Variants in DPYD observed in about 807,000 individuals in gnomAD.
DPYD encodes dihydropyrimidine dehydrogenase [NADP(+)].
Under a neutral mutation model 116.2 loss-of-function variants are expected in DPYD, and 109 were observed. The ratio of observed to expected loss-of-function variants is 0.94; its 90% CI spans 0.80 to 1.10. The LOEUF is 1.10. Among genes scored for constraint, DPYD ranks in the 50% least tolerant of loss-of-function variants. The probability of loss-of-function intolerance (pLI) is 0.00; values close to 1 mark genes in which losing one functional copy is unlikely to be tolerated. For missense variants in DPYD, 1,302 were observed against 1,254.5 expected, an observed-to-expected ratio of 1.04 and a Z score of -0.57; for synonymous variants, 440 against 432.0, an observed-to-expected ratio of 1.02 and a Z score of -0.23.
intron 18 of DPYD, among the ~76,000 whole-genome samples, chr1:97,263,981 T>G (rs1175855555): frequency 6.6e-6 from 1 of 152,062 alleles, no homozygotes; most frequent in Non-Finnish European, 1.5e-5. Context: ...AAAATAGCCC[T>G]TGATATTATC....
At chr1:97,407,491 A>T (rs1285988518) in intron 14 of DPYD, among the ~76,000 whole-genome samples, 1 of 152,170 alleles carries the variant, frequency 6.6e-6, no homozygotes, top group Non-Finnish European at 1.5e-5. Flanking sequence ...CCTAGAGGAC[A>T]TGGGCTATGT....
intron 12 of DPYD, among the ~76,000 whole-genome samples, chr1:97,543,598 A>G (rs1650612384): frequency 6.6e-6 from 1 of 152,232 alleles, no homozygotes; most frequent in Non-Finnish European, 1.5e-5. Context: ...ACAAAATGTC[A>G]TAAGCCTTAG....
intron 4 of DPYD, among the ~76,000 whole-genome samples, chr1:97,722,466 G>A (rs368726507): frequency 8.6e-5 from 13 of 151,548 alleles, no homozygotes; most frequent in African/African-American, 2.7e-4. Flanking sequence ...AATGTAGGGT[G>A]TTAATAATAG....
At chr1:97,420,714 G>C (rs1475731852) in intron 14 of DPYD, among the ~76,000 whole-genome samples, 1 of 152,078 alleles carries the variant, frequency 6.6e-6, no homozygotes, top group Non-Finnish European at 1.5e-5. Context: ...AGAGCCATTT[G>C]TAGTTCCCGG....
intron 15 of DPYD, among the ~76,000 whole-genome samples, chr1:97,374,721 A>G (rs1459502464): frequency 0.02 from 365 of 17,882 alleles, 1 homozygote; most frequent in Non-Finnish European, 0.093. Context: ...CGTCTCAGAA[A>G]AAAAAAAAAA....
At chr1:97,687,713 C>T (rs1240399736) in intron 7 of DPYD, among the ~76,000 whole-genome samples, 1 of 152,060 alleles carries the variant, frequency 6.6e-6, no homozygotes, top group African/African-American at 2.4e-5. Flanking sequence ...ATAGCAAAGA[C>T]ATGGAATCAA....
At chr1:97,252,457 C>T (rs983423213) in intron 18 of DPYD, among the ~76,000 whole-genome samples, 15 of 152,128 alleles carry the variant, frequency 9.9e-5, no homozygotes, top group African/African-American at 2.9e-4. Flanking sequence ...TGTTTTTTTC[C>T]AATTTATATT....
intron 16 of DPYD, among the ~76,000 whole-genome samples, chr1:97,314,490 CTTTTTTTT>C (rs66629750): frequency 1.4e-4 from 17 of 123,376 alleles, no homozygotes; most frequent in African/African-American, 2.7e-4. Context: ...CTAAAGCTTT[CTTTTTTTT>C]TTTTTTTTTT....
rs550655276 is a variant in DPYD at position 97,790,858 on chromosome 1, T to A, written c.233+37256A>T. Among the ~76,000 whole-genome samples, 66 of 152,330 alleles carry A rather than the reference T, an allele frequency of 4.3e-4. 1 individual carries two copies. The highest frequency in any genetic ancestry group is 1.3e-3 in the African/African-American group (54 of 41,590). On this transcript the variant is annotated intron_variant, in intron 3 of 22. Transcript: ENST00000370192. ...AATTTGTAAGCATGATTAAAGATTA[T>A]CTACAATTTTCACGTCCTTATTTGC...
intron 8 of DPYD, among the ~76,000 whole-genome samples, chr1:97,660,592 T>A (rs1193086553): frequency 1.3e-5 from 2 of 152,102 alleles, no homozygotes; most frequent in Non-Finnish European, 2.9e-5. Flanking sequence ...TTCTGTGTGT[T>A]CCTGGAGAGG....
At chr1:97,549,409 T>A in intron 12 of DPYD, 151 bp downstream of exon 12, 1 of 942,864 alleles carries the variant, frequency 1.1e-6, no homozygotes, top group South Asian at 1.6e-5. Flanking sequence ...CTAGTCTACA[T>A]TTTAAAATTT....
At chr1:97,102,459 T>TCTATC (rs71071629) in intron 20 of DPYD, among the ~76,000 whole-genome samples, 1 of 125,094 alleles carries the variant, frequency 8.0e-6, no homozygotes, top group African/African-American at 3.0e-5. Flanking sequence ...CTGAAATCTA[T>TCTATC]TATCTATCTA....
chr1:97,645,207 A>C (rs780850123), intron 8 of DPYD, among the ~76,000 whole-genome samples: 17 of 152,072 alleles, frequency 1.1e-4, no homozygotes, highest in Non-Finnish European at 2.1e-4. Context: ...ACATTGTTTC[A>C]TGTATGTAAT....
chr1:97,383,392 G>A (rs1029647049), intron 14 of DPYD, among the ~76,000 whole-genome samples: 2 of 150,856 alleles, frequency 1.3e-5, no homozygotes, highest in African/African-American at 4.9e-5. Context: ...CAGGAGAATT[G>A]CTTGAACCAG....
intron 3 of DPYD, among the ~76,000 whole-genome samples, chr1:97,762,439 T>C (rs1337788258): frequency 6.6e-6 from 1 of 152,130 alleles, no homozygotes; most frequent in Non-Finnish European, 1.5e-5. Context: ...TAGCAGGTTA[T>C]TGTCATAGTC....
intron 8 of DPYD, among the ~76,000 whole-genome samples, chr1:97,659,069 T>C (rs962399906): frequency 5.3e-5 from 8 of 152,092 alleles, no homozygotes; most frequent in African/African-American, 1.9e-4. Flanking sequence ...TCCTCACACT[T>C]AAAAGTCATC....
chr1:97,868,924 C>G (rs1671528281), intron 2 of DPYD, among the ~76,000 whole-genome samples: 1 of 151,768 alleles, frequency 6.6e-6, no homozygotes, highest in Non-Finnish European at 1.5e-5. Context: ...TAAAAAGAGT[C>G]TATCCAAGAG....
intron 8 of DPYD, among the ~76,000 whole-genome samples, chr1:97,669,456 T>C (rs903224682): frequency 6.6e-6 from 1 of 152,110 alleles, no homozygotes; most frequent in Non-Finnish European, 1.5e-5. Context: ...GTGGGAACAA[T>C]ATGACTGTTT....
At chr1:97,646,449 T>A (rs1369818882) in intron 8 of DPYD, among the ~76,000 whole-genome samples, 1 of 152,104 alleles carries the variant, frequency 6.6e-6, no homozygotes, top group Admixed American at 6.6e-5. Context: ...CACATCTTCT[T>A]TTATATTTTG....
Sources: allele counts gnomAD v4.1 joint callset (sites outside exome capture counted in the v4.1 genomes callset), GRCh38; gene constraint gnomAD v4.1.1; transcripts MANE v1.5; gene names NCBI Gene and HGNC (gene_info 2026-07-23, HGNC 2026-07-21).